Variants in KCNT2 observed in about 807,000 individuals in gnomAD.
The protein encoded by KCNT2 is potassium sodium-activated channel subfamily T member 2.
Under a neutral mutation model 153.8 loss-of-function variants are expected in KCNT2, and 67 were observed. The observed-to-expected ratio is 0.44, with a 90% CI of 0.36 to 0.53. The LOEUF (loss-of-function observed/expected upper bound fraction) is 0.53, where lower values mean the gene tolerates loss of function less well. KCNT2 is among the 20% of genes least tolerant of loss of function. KCNT2 has a pLI of 0.00. For missense variants in KCNT2, 975 were observed against 1,354.8 expected, an observed-to-expected ratio of 0.72 and a Z score of 4.40; for synonymous variants, 500 against 458.8, an observed-to-expected ratio of 1.09 and a Z score of -1.15.
At chr1:196,354,739 G>T (rs1283152246) in intron 14 of KCNT2, among the ~76,000 whole-genome samples, 1 of 151,368 alleles carries the variant, frequency 6.6e-6, no homozygotes, top group Non-Finnish European at 1.5e-5. Flanking sequence ...GTCACCAAAG[G>T]GTTTAAATCT....
chr1:196,283,070 C>CAGG (rs1659272124), intron 23 of KCNT2, among the ~76,000 whole-genome samples: 1 of 152,198 alleles, frequency 6.6e-6, no homozygotes. Flanking sequence ...TCTAGAACTC[C>CAGG]TGGCCTCAAG....
intron 25 of KCNT2, among the ~76,000 whole-genome samples, chr1:196,274,339 T>C (rs1431906234): frequency 6.6e-6 from 1 of 151,654 alleles, no homozygotes; most frequent in East Asian, 1.9e-4. Flanking sequence ...AGTGTTAGTA[T>C]TATAAGTATT....
At chr1:196,362,938 A>C (rs1667750544) in intron 14 of KCNT2, among the ~76,000 whole-genome samples, 2 of 152,058 alleles carry the variant, frequency 1.3e-5, no homozygotes, top group Admixed American at 1.3e-4. Flanking sequence ...TAAAGTTACA[A>C]ATTTTCCCTT....
chr1:196,469,899 T>C lies in KCNT2; in HGVS notation c.385-831A>G, dbSNP rs543631476. On this transcript the variant is annotated intron_variant, in intron 5 of 27. Transcript: ENST00000294725. The stretch of plus-strand genomic sequence containing the variant: ...ATTAGAAAGGCAATTTGAAATCTGC[T>C]ATACTGTAATCTCCAATTATCCATT... Among the ~76,000 whole-genome samples the C allele has an allele frequency of 2.0e-4, 31 of 152,330 alleles. No individual in the cohort carries two copies. In the South Asian group the frequency reaches 6.2e-3, roughly 31 times the overall value.
intron 19 of KCNT2, among the ~76,000 whole-genome samples, chr1:196,319,849 G>T (rs569437235): frequency 2.9e-4 from 44 of 151,596 alleles, no homozygotes; most frequent in Non-Finnish European, 5.6e-4. Flanking sequence ...TTATGACCAA[G>T]AAATCTTATA....
intron 14 of KCNT2, 104 bp from the exon 15 acceptor site, chr1:196,342,332 G>T: frequency 1.1e-6 from 1 of 908,262 alleles, no homozygotes; most frequent in South Asian, 2.2e-5. Flanking sequence ...TGTAAGAACT[G>T]GCAAGCACAA....
At chr1:196,371,670 C>T (rs1407603324) in intron 14 of KCNT2, among the ~76,000 whole-genome samples, 1 of 151,998 alleles carries the variant, frequency 6.6e-6, no homozygotes, top group Admixed American at 6.6e-5. Context: ...AGGCAAAATT[C>T]ATTAGAGTAT....
At chr1:196,502,839 C>A (rs1293554074) in intron 1 of KCNT2, among the ~76,000 whole-genome samples, 11 of 151,792 alleles carry the variant, frequency 7.2e-5, no homozygotes, top group Non-Finnish European at 1.3e-4. Context: ...TCCAAGCAAC[C>A]CCAATTTGAT....
In KCNT2 at chr1:196,229,378, A is replaced by G. The variant is rs111974659; in HGVS notation, c.3297-1043T>C. Among the ~76,000 whole-genome samples, 720 of 152,132 alleles carry G rather than the reference A, an allele frequency of 4.7e-3. 4 individuals are homozygous for G. Among genetic ancestry groups the G allele is most frequent in the Middle Eastern group, 0.017 (5 of 294 alleles). ...CTATCCGCACCCATATAAGAAGGCAATTTTAACCAATAAAATATGTGTGTT... is the reference window on the plus strand; with the variant it reads ...CTATCCGCACCCATATAAGAAGGCAGTTTTAACCAATAAAATATGTGTGTT... On this transcript the variant is annotated intron_variant, in intron 27 of 27. Coordinates refer to ENST00000294725, the MANE Select transcript of KCNT2 (RefSeq NM_198503.5).
At chr1:196,521,555 C>G (rs1400904007) in intron 1 of KCNT2, among the ~76,000 whole-genome samples, 1 of 152,098 alleles carries the variant, frequency 6.6e-6, no homozygotes, top group Non-Finnish European at 1.5e-5. Flanking sequence ...ACATAAATGT[C>G]CATCAATGGT....
chr1:196,293,335 AC>A (rs1345729648), intron 22 of KCNT2, among the ~76,000 whole-genome samples: 8 of 152,108 alleles, frequency 5.3e-5, no homozygotes, highest in Non-Finnish European at 1.0e-4. Flanking sequence ...AGAGAAAAAA[AC>A]AAAACAAAAC....
intron 14 of KCNT2, among the ~76,000 whole-genome samples, chr1:196,351,856 C>G (rs925046108): frequency 4.6e-5 from 7 of 152,058 alleles, no homozygotes; most frequent in African/African-American, 1.4e-4. Flanking sequence ...ATAGATAGCT[C>G]TTATTATTTT....
chr1:196,443,338 G>A (rs1675408210), intron 8 of KCNT2, among the ~76,000 whole-genome samples: 1 of 151,404 alleles, frequency 6.6e-6, no homozygotes, highest in Admixed American at 6.6e-5. Flanking sequence ...TATTTTGGGG[G>A]CATATTTGTA....
At chr1:196,477,582 TC>T (rs1678649874) in intron 5 of KCNT2, among the ~76,000 whole-genome samples, 1 of 151,558 alleles carries the variant, frequency 6.6e-6, no homozygotes, top group South Asian at 2.1e-4. Flanking sequence ...TGAGACCCTT[TC>T]CCCTCCCCCT....
chr1:196,395,304 C>G (rs550650057), intron 13 of KCNT2, among the ~76,000 whole-genome samples: 5 of 151,658 alleles, frequency 3.3e-5, no homozygotes, highest in Middle Eastern at 3.4e-3. Flanking sequence ...ATTTTCTATT[C>G]TCTGAGAAAA....
chr1:196,273,364 A>C, intron 25 of KCNT2: 1 of 704,742 alleles, frequency 1.4e-6, no homozygotes, highest in Admixed American at 2.7e-5. Flanking sequence ...TTTCATTTTA[A>C]TGTCTGAGTA....
chr1:196,414,021 T>G (rs1672550719), intron 12 of KCNT2, among the ~76,000 whole-genome samples: 1 of 151,610 alleles, frequency 6.6e-6, no homozygotes, highest in Non-Finnish European at 1.5e-5. Flanking sequence ...AATATGTACT[T>G]TTAACAAATA....
Position 196,338,817 on chromosome 1 carries a change from G to T in KCNT2, c.1783+1524C>A, listed in dbSNP as rs147098666. ...TGGTGGACATGGAAAAAAACTGAAT[G>T]ATTCTAGGGGCTATTTACTGACCAG... On this transcript the variant is annotated intron_variant, in intron 16 of 27. Coordinates refer to ENST00000294725, the MANE Select transcript of KCNT2 (RefSeq NM_198503.5). Among the ~76,000 whole-genome samples, 1,098 of 151,850 alleles carry T rather than the reference G, an allele frequency of 7.2e-3. 21 individuals carry two copies. Among genetic ancestry groups the T allele is most frequent in the Non-Finnish European group, 9.0e-3 (614 of 67,954 alleles).
intron 18 of KCNT2, 61 bp downstream of exon 18, chr1:196,331,095 A>G (rs541064078): frequency 2.3e-6 from 2 of 884,532 alleles, no homozygotes; most frequent in South Asian, 2.7e-5. Flanking sequence ...TACTTAAATT[A>G]TGTAACTATA....
Sources: allele counts gnomAD v4.1 joint callset (sites outside exome capture counted in the v4.1 genomes callset), GRCh38; gene constraint gnomAD v4.1.1; transcripts MANE v1.5; gene names NCBI Gene and HGNC (gene_info 2026-07-23, HGNC 2026-07-21).